Variants in CRTAC1 observed in about 807,000 individuals in gnomAD.
CRTAC1 encodes cartilage acidic protein 1, also known as acidic secreted protein in cartilage.
Under a neutral mutation model 67.8 loss-of-function variants are expected in CRTAC1, and 37 were observed. The observed-to-expected ratio is 0.55, with a 90% confidence interval of 0.42 to 0.72. CRTAC1 has a LOEUF of 0.72. Among genes scored for constraint, CRTAC1 ranks in the 30% least tolerant of loss-of-function variants. CRTAC1 has a pLI of 0.00. For missense variants in CRTAC1, 780 were observed against 931.6 expected, an observed-to-expected ratio of 0.84 and a Z score of 2.12; for synonymous variants, 348 against 371.0, an observed-to-expected ratio of 0.94 and a Z score of 0.71.
intron 3 of CRTAC1, among the ~76,000 whole-genome samples, chr10:97,932,592 G>C (rs1278794618): frequency 3.3e-5 from 5 of 152,158 alleles, no homozygotes; most frequent in African/African-American, 1.2e-4. Context: ...GGAGGGGCCT[G>C]AATGAAGGAG....
chr10:97,911,995 T>C (rs908967658), intron 5 of CRTAC1, among the ~76,000 whole-genome samples: 1 of 152,222 alleles, frequency 6.6e-6, no homozygotes, highest in South Asian at 2.1e-4. Flanking sequence ...GCAGTGCTGG[T>C]TGTGGGAGAC....
intron 1 of CRTAC1, among the ~76,000 whole-genome samples, chr10:98,016,221 G>A (rs1842993635): frequency 2.0e-5 from 3 of 152,206 alleles, no homozygotes; most frequent in African/African-American, 7.2e-5. Context: ...GGAAGAAGGG[G>A]TTCTGGGTAG....
At chr10:98,016,029 T>G (rs1369461501) in intron 1 of CRTAC1, among the ~76,000 whole-genome samples, 1 of 152,338 alleles carries the variant, frequency 6.6e-6, no homozygotes, top group East Asian at 1.9e-4. Context: ...CAGTTTATCT[T>G]TACACACTCA....
At chr10:97,946,189 TG>T (rs2051260887) in intron 2 of CRTAC1, among the ~76,000 whole-genome samples, 1 of 152,220 alleles carries the variant, frequency 6.6e-6, no homozygotes, top group African/African-American at 2.4e-5. Context: ...AGGTGACAGA[TG>T]GAGGCTGTGT....
chr10:97,992,009 G>A (rs191492872), intron 2 of CRTAC1, among the ~76,000 whole-genome samples: 224 of 152,328 alleles, frequency 1.5e-3, no homozygotes, highest in Middle Eastern at 6.8e-3. Context: ...GATGCAGACA[G>A]GGAAGAAGGC....
At chr10:97,936,046 G>A (rs1332870756) in intron 3 of CRTAC1, 124 bp downstream of exon 3, 1 of 858,164 alleles carries the variant, frequency 1.2e-6, no homozygotes, top group African/African-American at 1.7e-5. Flanking sequence ...GGCAGCAGGG[G>A]GCAGTGCCTA....
intron 11 of CRTAC1, among the ~76,000 whole-genome samples, chr10:97,890,605 C>T (rs967621958): frequency 6.6e-6 from 1 of 152,018 alleles, no homozygotes; most frequent in African/African-American, 2.4e-5. Context: ...CCTTGTTGCC[C>T]CTTCCTCTCT....
At chr10:98,007,707 C>G (rs990140578) in intron 2 of CRTAC1, among the ~76,000 whole-genome samples, 34 of 152,144 alleles carry the variant, frequency 2.2e-4, no homozygotes, top group Non-Finnish European at 4.6e-4. Flanking sequence ...CATCAAGACC[C>G]AGGATGGTCT....
At chr10:97,961,048 G>A (rs563617295) in intron 2 of CRTAC1, among the ~76,000 whole-genome samples, 36 of 152,122 alleles carry the variant, frequency 2.4e-4, no homozygotes, top group African/African-American at 7.0e-4. Flanking sequence ...CAGGACCATC[G>A]TGTCATTGTG....
intron 7 of CRTAC1, among the ~76,000 whole-genome samples, chr10:97,902,800 G>T (rs903411795): frequency 4.6e-5 from 7 of 152,152 alleles, no homozygotes; most frequent in African/African-American, 1.7e-4. Context: ...TGAGCAGGCT[G>T]GGTCAGCGGT....
chr10:97,937,566 C>T (rs962291807), intron 2 of CRTAC1, among the ~76,000 whole-genome samples: 1 of 152,196 alleles, frequency 6.6e-6, no homozygotes, highest in Non-Finnish European at 1.5e-5. Flanking sequence ...GCCTAGTATA[C>T]AATAGGTGCT....
intron 2 of CRTAC1, among the ~76,000 whole-genome samples, chr10:97,990,518 A>G (rs1432319607): frequency 2.6e-5 from 4 of 152,138 alleles, no homozygotes; most frequent in African/African-American, 4.8e-5. Context: ...TTATCATTCC[A>G]TTTCCTATTA....
At chr10:97,896,667 C>T (rs1233042750) in intron 9 of CRTAC1, among the ~76,000 whole-genome samples, 2 of 152,160 alleles carry the variant, frequency 1.3e-5, no homozygotes, top group African/African-American at 4.8e-5. Context: ...TTCCCATTCC[C>T]CCACCCCCCA....
rs536907083 is a variant in CRTAC1 at position 97,973,251 on chromosome 10, C to T, written c.225-36885G>A. Reference sequence around the variant, plus strand: ...CAGGACAAAGCACAAACTCCCCAGCCACTGTGCCCTCTGAGGCCGGCTTCA... The same window carrying T: ...CAGGACAAAGCACAAACTCCCCAGCTACTGTGCCCTCTGAGGCCGGCTTCA... On this transcript the variant is annotated intron_variant, in intron 2 of 14. Coordinates refer to ENST00000370597, the MANE Select transcript of CRTAC1 (RefSeq NM_018058.7). 1.9e-4 allele frequency among the ~76,000 whole-genome samples: 29 copies of T among 152,306 alleles called. No individual in the cohort carries two copies. The South Asian group carries it at 5.4e-3, about 28-fold the overall frequency.
chr10:97,920,904 T>A (rs961238794), intron 4 of CRTAC1, among the ~76,000 whole-genome samples: 29 of 152,192 alleles, frequency 1.9e-4, no homozygotes, highest in African/African-American at 7.0e-4. Flanking sequence ...AGATCAGCTT[T>A]GAGCTGGATC....
chr10:97,892,184 A>C (rs2050384926), intron 11 of CRTAC1, among the ~76,000 whole-genome samples: 1 of 152,178 alleles, frequency 6.6e-6, no homozygotes, highest in Non-Finnish European at 1.5e-5. Flanking sequence ...TTTCCAGTTA[A>C]AAAAGCAATC....
chr10:97,909,375 G>T (rs897473691), intron 5 of CRTAC1, among the ~76,000 whole-genome samples: 4 of 152,120 alleles, frequency 2.6e-5, no homozygotes, highest in African/African-American at 9.7e-5. Flanking sequence ...TCTAGCCCCA[G>T]CCTGGCTTCT....
intron 3 of CRTAC1, among the ~76,000 whole-genome samples, chr10:97,930,615 G>C (rs1337861433): frequency 2.0e-5 from 3 of 152,208 alleles, no homozygotes; most frequent in Non-Finnish European, 2.9e-5. Flanking sequence ...TTGGAGTAGT[G>C]AGGTGCAGAA....
chr10:98,012,076 G>A (rs948072479), intron 1 of CRTAC1, among the ~76,000 whole-genome samples: 1 of 152,190 alleles, frequency 6.6e-6, no homozygotes, highest in African/African-American at 2.4e-5. Flanking sequence ...CCAAGAAGCA[G>A]TCAGTTAGGG....
Sources: allele counts gnomAD v4.1 joint callset (sites outside exome capture counted in the v4.1 genomes callset), GRCh38; gene constraint gnomAD v4.1.1; transcripts MANE v1.5; gene names NCBI Gene and HGNC (gene_info 2026-07-23, HGNC 2026-07-21).